Variants in SAMD4A observed in about 807,000 individuals in gnomAD.
SAMD4A encodes the protein sterile alpha motif domain containing 4A, also known as protein Smaug homolog 1.
Under a neutral mutation model 81.3 loss-of-function variants are expected in SAMD4A, and 33 were observed. That is an observed-to-expected ratio of 0.41 (90% confidence interval 0.31 to 0.54). The LOEUF is 0.54. Among genes scored for constraint, SAMD4A ranks in the 20% least tolerant of loss-of-function variants. The probability of loss-of-function intolerance (pLI) is 0.37; values close to 1 mark genes in which losing one functional copy is unlikely to be tolerated. For synonymous variants in SAMD4A, 389 were observed against 382.1 expected (o/e 1.02, Z -0.21); for missense variants, 854 against 951.1 (o/e 0.90, Z 1.34).
intron 4 of SAMD4A, among the ~76,000 whole-genome samples, chr14:54,739,110 G>C (rs1356940014): frequency 8.3e-6 from 1 of 120,456 alleles, no homozygotes; most frequent in Non-Finnish European, 1.6e-5. Context: ...TTCTCCCAAA[G>C]TAGGTCAAGG....
intron 2 of SAMD4A, among the ~76,000 whole-genome samples, chr14:54,577,081 C>T (rs933194122): frequency 2.0e-5 from 3 of 152,214 alleles, no homozygotes; most frequent in African/African-American, 7.2e-5. Context: ...AAGCTGGTCA[C>T]TGCTGTGGGC....
In SAMD4A at chr14:54,621,516, A is replaced by AT. The variant is rs34686015; in HGVS notation, c.196+53420dup. Reference sequence around the variant, plus strand: ...AGGCGGGCACCACCATGCCCAAATAATTTTTTTTTTTTTTTTGGTATTTTT... The same window carrying AT: ...AGGCGGGCACCACCATGCCCAAATAATTTTTTTTTTTTTTTTTGGTATTTTT... On this transcript the variant is annotated intron_variant, in intron 2 of 12. Transcript: ENST00000554335. Among the ~76,000 whole-genome samples the AT allele has an allele frequency of 6.3e-3, 898 of 141,712 alleles. 3 individuals carry two copies. The highest frequency in any genetic ancestry group is 0.013 in the African/African-American group (522 of 38,682). 93.0% of individuals were successfully genotyped at this position (141,712 alleles called of 152,430 possible).
chr14:54,579,165 G>T (rs1056474142), intron 2 of SAMD4A, among the ~76,000 whole-genome samples: 1 of 152,180 alleles, frequency 6.6e-6, no homozygotes, highest in African/African-American at 2.4e-5. Flanking sequence ...ACTATCTCCT[G>T]TTATTGAATG....
intron 2 of SAMD4A, among the ~76,000 whole-genome samples, chr14:54,594,259 C>T (rs1390001905): frequency 1.3e-5 from 2 of 151,998 alleles, no homozygotes; most frequent in Non-Finnish European, 2.9e-5. Context: ...AGGTACAGAA[C>T]GAAAATGCCA....
At chr14:54,600,460 G>A (rs958213733) in intron 2 of SAMD4A, among the ~76,000 whole-genome samples, 3 of 152,186 alleles carry the variant, frequency 2.0e-5, no homozygotes, top group African/African-American at 7.2e-5. Flanking sequence ...TCAGTGAACT[G>A]TCAACAGAAT....
chr14:54,766,582 C>T (rs186414373), intron 8 of SAMD4A, among the ~76,000 whole-genome samples: 446 of 152,212 alleles, frequency 2.9e-3, no homozygotes, highest in Non-Finnish European at 4.8e-3. Context: ...AGACTCGGTT[C>T]GTAAGGAGGC....
At chr14:54,672,214 C>A (rs1472884571) in intron 2 of SAMD4A, among the ~76,000 whole-genome samples, 4 of 151,796 alleles carry the variant, frequency 2.6e-5, no homozygotes, top group Admixed American at 6.6e-5. Flanking sequence ...CATATGCCAC[C>A]ACATCCAGCT....
chr14:54,619,734 A>G (rs148391213), intron 2 of SAMD4A, among the ~76,000 whole-genome samples: 1 of 152,138 alleles, frequency 6.6e-6, no homozygotes, highest in Non-Finnish European at 1.5e-5. Context: ...AAGTGAGAAC[A>G]TGCGGTATTT....
At chr14:54,784,475 G>A in intron 11 of SAMD4A, 62 bp from the exon 12 acceptor site, 1 of 1,611,504 alleles carries the variant, frequency 6.2e-7, no homozygotes, top group Non-Finnish European at 8.5e-7. Context: ...CCTGAAGGTG[G>A]AACCAGGTGG....
chr14:54,717,126 G>A (rs1439908013), intron 3 of SAMD4A, among the ~76,000 whole-genome samples: 2 of 151,844 alleles, frequency 1.3e-5, no homozygotes, highest in African/African-American at 2.4e-5. Context: ...GAGAAAGGGT[G>A]TTGTTCACAT....
intron 2 of SAMD4A, among the ~76,000 whole-genome samples, chr14:54,670,425 G>A (rs1244302156): frequency 3.9e-5 from 6 of 152,200 alleles, no homozygotes; most frequent in Non-Finnish European, 7.3e-5. Flanking sequence ...TACAGAAAGC[G>A]AAGCTCCTTC....
intron 2 of SAMD4A, among the ~76,000 whole-genome samples, chr14:54,658,865 A>C (rs760438545): frequency 6.6e-6 from 1 of 152,190 alleles, no homozygotes; most frequent in Non-Finnish European, 1.5e-5. Flanking sequence ...CAGGCTGAGG[A>C]TTCGAGCATG....
chr14:54,760,279 C>A lies in SAMD4A; in HGVS notation c.1295C>A (p.Pro432His), dbSNP rs1441887164. 9 of 1,612,236 alleles carry A rather than the reference C, an allele frequency of 5.6e-6. No individual in the cohort carries two copies. The highest frequency in any genetic ancestry group is 1.6e-4 in the Middle Eastern group (1 of 6,080). Residue 432 changes from proline to histidine, a missense_variant, in exon 7 of 13, where the codon CCC becomes CAC. Coordinates refer to ENST00000554335, the MANE Select transcript of SAMD4A (RefSeq NM_015589.6). ...ACCCCCGAGGCTCGCCGCCGGGAGC[C>A]CCAGGCCCCGCGTCAGCCCTCACTG... ...STTPEARRRE[P>H]QAPRQPSLMG...
chr14:54,608,015 C>CACAA (rs1555335808), intron 2 of SAMD4A, among the ~76,000 whole-genome samples: 1 of 60,710 alleles, frequency 1.6e-5, no homozygotes, highest in African/African-American at 6.0e-5. Context: ...GACTCCGTCT[C>CACAA]AAAAAAAAAA....
chr14:54,677,578 C>T (rs1239846792), intron 2 of SAMD4A, among the ~76,000 whole-genome samples: 1 of 152,184 alleles, frequency 6.6e-6, no homozygotes, highest in African/African-American at 2.4e-5. Context: ...TTCCAAGCTA[C>T]GGTTCTTACC....
rs188318383 is a variant in SAMD4A at position 54,728,088 on chromosome 14, C to T, written c.716-8936C>T. 2.0e-5 allele frequency among the ~76,000 whole-genome samples: 3 copies of T among 152,296 alleles called. No individual in the cohort carries two copies. In the East Asian group the frequency reaches 5.8e-4, roughly 29 times the overall value. Reference sequence around the variant, plus strand: ...AACGGTCCTGGGCGCTGAATTATGCCAGGAACCTCGAGCTTGCTGTGTCTC... The same window carrying T: ...AACGGTCCTGGGCGCTGAATTATGCTAGGAACCTCGAGCTTGCTGTGTCTC... On this transcript the variant is annotated intron_variant, in intron 3 of 12. Transcript: ENST00000554335.
At chr14:54,699,138 G>A (rs1382713256) in intron 2 of SAMD4A, among the ~76,000 whole-genome samples, 1 of 152,090 alleles carries the variant, frequency 6.6e-6, no homozygotes, top group Non-Finnish European at 1.5e-5. Flanking sequence ...TTGCTTCTTG[G>A]CCCCTTTTGC....
chr14:54,791,505 G>A lies in SAMD4A; in HGVS notation c.*2561G>A, dbSNP rs571913541. On this transcript the variant is annotated 3_prime_UTR_variant, in exon 13 of 13. Coordinates refer to ENST00000554335, the MANE Select transcript of SAMD4A (RefSeq NM_015589.6). ...ATCTGATTATTAGAGATATTATTTTGGATATGTTACTTATTAACTTGCTAT... is the reference window on the plus strand; with the variant it reads ...ATCTGATTATTAGAGATATTATTTTAGATATGTTACTTATTAACTTGCTAT... 23 of 152,178 alleles carry A rather than the reference G, an allele frequency of 1.5e-4. No individual in the cohort carries two copies. In the South Asian group the frequency reaches 4.6e-3, roughly 30 times the overall value. The allele number at this position is 152,178 out of a possible 1,614,324, so 9.4% of individuals were successfully genotyped here.
At chr14:54,772,552 A>G (rs2038733654) in intron 9 of SAMD4A, among the ~76,000 whole-genome samples, 1 of 152,210 alleles carries the variant, frequency 6.6e-6, no homozygotes. Context: ...CAGTGACTAT[A>G]AGTATCCCAT....
Sources: allele counts gnomAD v4.1 joint callset (sites outside exome capture counted in the v4.1 genomes callset), GRCh38; gene constraint gnomAD v4.1.1; transcripts MANE v1.5; gene names NCBI Gene and HGNC (gene_info 2026-07-23, HGNC 2026-07-21).